The following CSMD3 variants were observed in gnomAD, a reference collection of about 807,000 sequenced individuals.
CSMD3 encodes CUB and Sushi multiple domains 3, also known as CUB and sushi domain-containing protein 3.
A neutral mutation model predicts 435.2 loss-of-function variants in CSMD3; 177 were observed. That is an observed-to-expected ratio of 0.41 (90% confidence interval 0.36 to 0.46). The LOEUF (loss-of-function observed/expected upper bound fraction) is 0.46. Among genes scored for constraint, CSMD3 ranks in the 20% least tolerant of loss-of-function variants. The pLI is 0.34. For missense variants in CSMD3, 4,265 were observed against 4,504.6 expected, an observed-to-expected ratio of 0.95 and a Z score of 1.52; for synonymous variants, 1,656 against 1,520.5, an observed-to-expected ratio of 1.09 and a Z score of -2.07.
intron 2 of CSMD3, chr8:113,314,357 T>TAG (rs1324877218): frequency 1.5e-5 from 8 of 546,612 alleles, no homozygotes; most frequent in African/African-American, 1.3e-4. Context: ...TATATTCACC[T>TAG]TTGTGAGACA....
chr8:112,289,663 C>CA, intron 56 of CSMD3, 125 bp from the exon 57 acceptor site: 1 of 638,656 alleles, frequency 1.6e-6, no homozygotes, highest in Non-Finnish European at 2.6e-6. Flanking sequence ...CTCCAGAAAT[C>CA]AAACATCTAT....
intron 30 of CSMD3, among the ~76,000 whole-genome samples, chr8:112,499,088 A>G (rs190581629): frequency 7.2e-5 from 11 of 152,282 alleles, no homozygotes; most frequent in Non-Finnish European, 1.5e-4. Context: ...GGGGATGCAC[A>G]TGGTAAGTAA....
At chr8:113,048,071 G>T (rs1326262392) in intron 5 of CSMD3, among the ~76,000 whole-genome samples, 1 of 147,406 alleles carries the variant, frequency 6.8e-6, no homozygotes, top group African/African-American at 2.5e-5. Flanking sequence ...ATAGTTTGAT[G>T]TAACTTCAAT....
chr8:113,430,183 A>G (rs538133822), intron 1 of CSMD3, among the ~76,000 whole-genome samples: 3 of 152,170 alleles, frequency 2.0e-5, no homozygotes, highest in Non-Finnish European at 4.4e-5. Flanking sequence ...TAGTGAGAAG[A>G]GGCTACACTT....
intron 45 of CSMD3, among the ~76,000 whole-genome samples, chr8:112,326,103 G>A (rs1224614957): frequency 1.3e-5 from 2 of 151,948 alleles, no homozygotes; most frequent in African/African-American, 4.8e-5. Context: ...AGGACATTTT[G>A]ATTTGGCAAT....
chr8:112,986,680 G>C (rs774555440), intron 6 of CSMD3, among the ~76,000 whole-genome samples: 7 of 151,978 alleles, frequency 4.6e-5, no homozygotes, highest in Admixed American at 2.0e-4. Flanking sequence ...AAAAAAGTCA[G>C]CTTTCTGAAT....
chr8:112,651,657 C>T (rs1198093942), intron 18 of CSMD3, among the ~76,000 whole-genome samples: 1 of 151,934 alleles, frequency 6.6e-6, no homozygotes, highest in African/African-American at 2.4e-5. Flanking sequence ...CCTGCCTCAG[C>T]CTCCCGAGTA....
intron 2 of CSMD3, among the ~76,000 whole-genome samples, chr8:113,300,547 T>C (rs1478908423): frequency 1.3e-5 from 2 of 152,144 alleles, no homozygotes; most frequent in Non-Finnish European, 2.9e-5. Flanking sequence ...GCCACCTGGA[T>C]ACAGTTGGAG....
intron 3 of CSMD3, among the ~76,000 whole-genome samples, chr8:113,209,336 T>A (rs1190981996): frequency 6.6e-6 from 1 of 152,184 alleles, no homozygotes; most frequent in Non-Finnish European, 1.5e-5. Context: ...GTAATTATAC[T>A]ATGGTACATG....
intron 8 of CSMD3, among the ~76,000 whole-genome samples, chr8:112,951,878 A>G (rs2083827298): frequency 6.6e-6 from 1 of 151,042 alleles, no homozygotes; most frequent in African/African-American, 2.4e-5. Flanking sequence ...TGAGTGGATA[A>G]TATGAATGAA....
chr8:112,819,492 C>T (rs72680234), intron 12 of CSMD3, among the ~76,000 whole-genome samples: 1 of 152,098 alleles, frequency 6.6e-6, no homozygotes, highest in Non-Finnish European at 1.5e-5. Flanking sequence ...TCCTAGAGTT[C>T]GAAGGAACTT....
intron 37 of CSMD3, 100 bp downstream of exon 37, chr8:112,383,467 C>T: frequency 1.4e-6 from 1 of 716,410 alleles, no homozygotes; most frequent in Non-Finnish European, 2.5e-6. Flanking sequence ...TTGTAAAAAG[C>T]AAATTAAAAC....
chr8:113,311,319 T>C (rs756712297), intron 2 of CSMD3: 23 of 152,066 alleles, frequency 1.5e-4, no homozygotes, highest in Non-Finnish European at 2.5e-4. Flanking sequence ...GTAATATCAT[T>C]AATCATTGGA....
chr8:112,348,143 C>T (rs1207299558), intron 40 of CSMD3, among the ~76,000 whole-genome samples: 1 of 152,336 alleles, frequency 6.6e-6, no homozygotes, highest in East Asian at 1.9e-4. Flanking sequence ...AAGAATGCAT[C>T]TGCCTTCAGC....
At chr8:113,239,305 T>G (rs1219112322) in intron 3 of CSMD3, among the ~76,000 whole-genome samples, 1 of 152,076 alleles carries the variant, frequency 6.6e-6, no homozygotes, top group Non-Finnish European at 1.5e-5. Flanking sequence ...ATGTTATCTT[T>G]ATACATAAAG....
At chr8:112,611,306 GCATTTCTTATAGGTAT>G (rs1398627275) in intron 22 of CSMD3, among the ~76,000 whole-genome samples, 2 of 152,046 alleles carry the variant, frequency 1.3e-5, no homozygotes, top group Non-Finnish European at 2.9e-5. Flanking sequence ...CTTCCCAAAA[GCATTTCTTATAGGTAT>G]CATGGAGAAT....
At chr8:112,247,476 G>T (rs1814850160) in intron 63 of CSMD3, among the ~76,000 whole-genome samples, 1 of 151,932 alleles carries the variant, frequency 6.6e-6, no homozygotes, top group Non-Finnish European at 1.5e-5. Context: ...GTTAGATAAA[G>T]ATAAATAAAT....
At chr8:112,663,069 T>C (rs1247896887) in intron 17 of CSMD3, among the ~76,000 whole-genome samples, 1 of 152,002 alleles carries the variant, frequency 6.6e-6, no homozygotes, top group East Asian at 1.9e-4. Context: ...ACTTTTACAC[T>C]GTTGGTGGCG....
chr8:113,424,634 T>C (rs1286426731), intron 1 of CSMD3, among the ~76,000 whole-genome samples: 2 of 151,438 alleles, frequency 1.3e-5, no homozygotes, highest in African/African-American at 4.8e-5. Context: ...CAAATGATTA[T>C]ATTATTGTAC....
Sources: gnomAD v4.1 joint callset for allele counts (sites outside exome capture counted in the v4.1 genomes callset) on GRCh38, gnomAD v4.1.1 for gene constraint, MANE v1.5 for transcripts, NCBI Gene and HGNC (gene_info 2026-07-23, HGNC 2026-07-21) for gene names.